LRRTM3: variants seen among roughly 807,000 people sequenced by gnomAD.
LRRTM3 encodes the protein leucine-rich repeat transmembrane neuronal protein 3.
Under a neutral mutation model 44.7 loss-of-function variants are expected in LRRTM3, and 24 were observed. The ratio of observed to expected loss-of-function variants is 0.54; its 90% CI spans 0.39 to 0.76. The LOEUF is 0.76. LRRTM3 is among the 30% of genes least tolerant of loss of function. LRRTM3 has a pLI of 0.00. For missense variants in LRRTM3, 587 were observed against 702.2 expected, an observed-to-expected ratio of 0.84 and a Z score of 1.85; for synonymous variants, 277 against 278.7, an observed-to-expected ratio of 0.99 and a Z score of 0.06.
intron 2 of LRRTM3, among the ~76,000 whole-genome samples, chr10:66,962,386 T>A (rs1019493322): frequency 3.3e-5 from 5 of 150,892 alleles, no homozygotes; most frequent in African/African-American, 1.2e-4. Flanking sequence ...TCCTCTAAGT[T>A]TTTTTTTGTT....
intron 2 of LRRTM3, among the ~76,000 whole-genome samples, chr10:66,987,645 T>C (rs1850807793): frequency 6.6e-6 from 1 of 152,200 alleles, no homozygotes; most frequent in South Asian, 2.1e-4. Flanking sequence ...AAGCTTTGTA[T>C]AGTTAACTTT....
chr10:66,953,161 G>A (rs1406971473), intron 2 of LRRTM3, among the ~76,000 whole-genome samples: 2 of 152,094 alleles, frequency 1.3e-5, no homozygotes, highest in African/African-American at 4.8e-5. Flanking sequence ...GTTGAGCCTC[G>A]CTGATGGGCT....
At chr10:67,005,463 C>G (rs1371549479) in intron 2 of LRRTM3, among the ~76,000 whole-genome samples, 5 of 151,856 alleles carry the variant, frequency 3.3e-5, no homozygotes, top group Non-Finnish European at 7.4e-5. Flanking sequence ...GTTCATTGTG[C>G]CTGTGATCAC....
chr10:67,017,244 A>G (rs1331418550), intron 2 of LRRTM3, among the ~76,000 whole-genome samples: 3 of 152,226 alleles, frequency 2.0e-5, no homozygotes, highest in African/African-American at 7.2e-5. Context: ...ATCTAAAAAC[A>G]TTACTGAAAT....
intron 2 of LRRTM3, among the ~76,000 whole-genome samples, chr10:67,038,255 A>G (rs10822965): frequency 0.34 from 51,575 of 151,938 alleles, 9,311 homozygotes; most frequent in Middle Eastern, 0.55. Context: ...AAAAAAATCT[A>G]TCCTCCTAAA....
intron 2 of LRRTM3, among the ~76,000 whole-genome samples, chr10:66,953,362 C>A (rs1014061679): frequency 5.9e-5 from 9 of 152,148 alleles, no homozygotes; most frequent in Admixed American, 3.3e-4. Flanking sequence ...ATGCTCACTG[C>A]CGGTTGTCTG....
chr10:67,015,713 CT>C (rs1340644822), intron 2 of LRRTM3, among the ~76,000 whole-genome samples: 2 of 151,628 alleles, frequency 1.3e-5, no homozygotes, highest in Non-Finnish European at 2.9e-5. Flanking sequence ...CAATTTTCTT[CT>C]TTTTATTTTT....
intron 2 of LRRTM3, among the ~76,000 whole-genome samples, chr10:66,988,997 C>T (rs772190020): frequency 6.7e-5 from 10 of 149,062 alleles, no homozygotes; most frequent in Non-Finnish European, 1.3e-4. Context: ...TTTCCTCTCA[C>T]TTAAAAAAAA....
intron 2 of LRRTM3, among the ~76,000 whole-genome samples, chr10:67,091,771 G>T (rs1301765841): frequency 6.6e-6 from 1 of 151,992 alleles, no homozygotes; most frequent in Non-Finnish European, 1.5e-5. Context: ...AAGAGACAGG[G>T]AGTCAAAGTA....
At chr10:66,993,339 C>G (rs577013304) in intron 2 of LRRTM3, among the ~76,000 whole-genome samples, 1 of 152,122 alleles carries the variant, frequency 6.6e-6, no homozygotes, top group Non-Finnish European at 1.5e-5. Flanking sequence ...CCACCTCTGC[C>G]TTATTCTATT....
Position 67,099,181 on chromosome 10 carries a change from T to G in LRRTM3, c.*1385T>G, listed in dbSNP as rs1047968730. ...CCCAGATCATATATTGATTATACAA[T>G]TGTATTATAAAGTTCATTCAAATCA... On this transcript the variant is annotated 3_prime_UTR_variant, in exon 3 of 3. Coordinates refer to ENST00000361320, the MANE Select transcript of LRRTM3 (RefSeq NM_178011.5). 1.3e-5 allele frequency: 2 copies of G among 151,818 alleles called. No homozygotes were observed. Among genetic ancestry groups the G allele is most frequent in the African/African-American group, 4.8e-5 (2 of 41,404 alleles). The allele number at this position is 151,818 out of a possible 1,614,324, so 9.4% of individuals were successfully genotyped here.
intron 2 of LRRTM3, among the ~76,000 whole-genome samples, chr10:66,934,173 T>C (rs539829611): frequency 2.0e-5 from 3 of 152,160 alleles, no homozygotes; most frequent in Non-Finnish European, 4.4e-5. Context: ...TAATAATCCA[T>C]TTTATTGAAA....
chr10:67,022,156 T>G (rs1442422721), intron 2 of LRRTM3, among the ~76,000 whole-genome samples: 1 of 152,028 alleles, frequency 6.6e-6, no homozygotes, highest in Non-Finnish European at 1.5e-5. Flanking sequence ...AATTTAAGGA[T>G]GTAGAACAAG....
chr10:66,938,262 C>G (rs1191196574), intron 2 of LRRTM3, among the ~76,000 whole-genome samples: 4 of 152,006 alleles, frequency 2.6e-5, no homozygotes, highest in African/African-American at 9.7e-5. Flanking sequence ...GACCACTAAA[C>G]AATGTGAGGG....
chr10:66,962,384 GT>G (rs577757295), intron 2 of LRRTM3, among the ~76,000 whole-genome samples: 26 of 149,424 alleles, frequency 1.7e-4, no homozygotes, highest in Non-Finnish European at 3.1e-4. Flanking sequence ...ACTCCTCTAA[GT>G]TTTTTTTTGT....
chr10:67,086,634 G>A (rs1857326590), intron 2 of LRRTM3, among the ~76,000 whole-genome samples: 1 of 151,886 alleles, frequency 6.6e-6, no homozygotes, highest in Non-Finnish European at 1.5e-5. Flanking sequence ...AATGCCAGTT[G>A]GAAAGCAAGT....
intron 2 of LRRTM3, among the ~76,000 whole-genome samples, chr10:67,012,116 G>GC (rs1476524966): frequency 6.6e-6 from 1 of 152,182 alleles, no homozygotes; most frequent in Admixed American, 6.5e-5. Flanking sequence ...TCTGGCTCTG[G>GC]AGTCTACATT....
At chr10:66,998,342 T>C (rs1851473704) in intron 2 of LRRTM3, among the ~76,000 whole-genome samples, 1 of 152,152 alleles carries the variant, frequency 6.6e-6, no homozygotes. Context: ...GATAGAACAA[T>C]ATTTTTTAAA....
chr10:67,045,928 T>A (rs1401784864), intron 2 of LRRTM3, among the ~76,000 whole-genome samples: 1 of 152,190 alleles, frequency 6.6e-6, no homozygotes, highest in Non-Finnish European at 1.5e-5. Context: ...GCACAAGAAC[T>A]TCTCGAGTAG....
Sources: gnomAD v4.1 joint callset for allele counts (sites outside exome capture counted in the v4.1 genomes callset) on GRCh38, gnomAD v4.1.1 for gene constraint, MANE v1.5 for transcripts, NCBI Gene and HGNC (gene_info 2026-07-23, HGNC 2026-07-21) for gene names.